UGT1A10: variants seen among roughly 807,000 people sequenced by gnomAD.
UGT1A10 encodes UDP glucuronosyltransferase family 1 member A10, also known as UDP-glucuronosyltransferase 1A10.
Under a neutral mutation model 45.8 loss-of-function variants are expected in UGT1A10, and 49 were observed. The ratio of observed to expected loss-of-function variants is 1.07; its 90% CI spans 0.85 to 1.36. The LOEUF is 1.36. Ranked by LOEUF, UGT1A10 falls within the 40% of genes most tolerant of loss-of-function variation. The pLI is 0.00. For synonymous variants in UGT1A10, 284 were observed against 249.7 expected, an observed-to-expected ratio of 1.14 and a Z score of -1.29; for missense variants, 745 against 668.6, an observed-to-expected ratio of 1.11 and a Z score of -1.26.
At chr2:233,706,776 GGAGA>G (rs1475683157) in intron 1 of UGT1A10, among the ~76,000 whole-genome samples, 1 of 152,236 alleles carries the variant, frequency 6.6e-6, no homozygotes, top group East Asian at 1.9e-4. Context: ...TCCATCTCTG[GGAGA>G]GAAATACCAT....
At chr2:233,661,520 T>C (rs978042351) in intron 1 of UGT1A10, among the ~76,000 whole-genome samples, 3 of 152,122 alleles carry the variant, frequency 2.0e-5, no homozygotes, top group Admixed American at 6.6e-5. Context: ...GTGGAGTCCA[T>C]TGAGATTGAA....
intron 1 of UGT1A10, among the ~76,000 whole-genome samples, chr2:233,730,808 C>A (rs2078077498): frequency 6.6e-6 from 1 of 152,092 alleles, no homozygotes; most frequent in Non-Finnish European, 1.5e-5. Flanking sequence ...GGACATGCGT[C>A]CAAGAAGGGA....
intron 1 of UGT1A10, chr2:233,682,572 T>C: frequency 4.3e-6 from 7 of 1,613,972 alleles, no homozygotes; most frequent in Middle Eastern, 1.7e-4. Flanking sequence ...AACCACATCA[T>C]GCACTTGGAG....
intron 1 of UGT1A10, among the ~76,000 whole-genome samples, chr2:233,757,560 A>ATATATATATATATATACATATATATATG (rs904896556): frequency 8.1e-6 from 1 of 123,146 alleles, no homozygotes; most frequent in African/African-American, 3.4e-5. Context: ...ATATATATAT[A>ATATATATATATATATACATATATATATG]TGTATATATG....
intron 1 of UGT1A10, among the ~76,000 whole-genome samples, chr2:233,642,571 G>A (rs918400267): frequency 6.6e-6 from 1 of 152,200 alleles, no homozygotes; most frequent in Non-Finnish European, 1.5e-5. Flanking sequence ...TGGCGTTGAT[G>A]CTAGCAGACA....
chr2:233,728,611 G>C (rs1206625269), intron 1 of UGT1A10, among the ~76,000 whole-genome samples: 1 of 152,228 alleles, frequency 6.6e-6, no homozygotes, highest in Non-Finnish European at 1.5e-5. Context: ...CCTCCACGCT[G>C]TTCAGAGAAA....
chr2:233,686,250 T>G (rs1345556884), intron 1 of UGT1A10, among the ~76,000 whole-genome samples: 1 of 125,722 alleles, frequency 8.0e-6, no homozygotes, highest in Admixed American at 7.5e-5. Flanking sequence ...GTTTCTGAGA[T>G]TTTTTTTTTT....
intron 1 of UGT1A10, among the ~76,000 whole-genome samples, chr2:233,650,259 C>T (rs866702011): frequency 6.6e-6 from 1 of 152,140 alleles, no homozygotes; most frequent in Non-Finnish European, 1.5e-5. Context: ...TGTGAGCCAC[C>T]GTACCTGGCC....
At chr2:233,697,848 C>G (rs2075412973) in intron 1 of UGT1A10, among the ~76,000 whole-genome samples, 2 of 151,974 alleles carry the variant, frequency 1.3e-5, no homozygotes, top group African/African-American at 4.8e-5. Context: ...AGTTAGTAAG[C>G]AAAAGTTATG....
chr2:233,656,409 G>C (rs1330944741), intron 1 of UGT1A10, among the ~76,000 whole-genome samples: 1 of 152,218 alleles, frequency 6.6e-6, no homozygotes, highest in African/African-American at 2.4e-5. Flanking sequence ...GTGGCTTATG[G>C]AACAAGGAAT....
chr2:233,673,287 C>CT (rs2125503885), intron 1 of UGT1A10, among the ~76,000 whole-genome samples: 1 of 152,056 alleles, frequency 6.6e-6, no homozygotes, highest in East Asian at 1.9e-4. Flanking sequence ...TTATAAATAC[C>CT]TTTATAGACC....
At chr2:233,673,626 A>G (rs750330862) in intron 1 of UGT1A10, among the ~76,000 whole-genome samples, 7 of 152,196 alleles carry the variant, frequency 4.6e-5, no homozygotes, top group Non-Finnish European at 8.8e-5. Flanking sequence ...TTTTATATAC[A>G]TAAATAAAAT....
At chr2:233,711,770 A>G (rs1244544490) in intron 1 of UGT1A10, among the ~76,000 whole-genome samples, 2 of 152,234 alleles carry the variant, frequency 1.3e-5, no homozygotes, top group African/African-American at 4.8e-5. Context: ...AGGAAGTGAG[A>G]TAGAAAGTGT....
At chr2:233,737,195 G>A (rs1395224472) in intron 1 of UGT1A10, among the ~76,000 whole-genome samples, 2 of 152,236 alleles carry the variant, frequency 1.3e-5, no homozygotes, top group African/African-American at 4.8e-5. Flanking sequence ...CCCTTGCTGA[G>A]CTGCGGTGGA....
intron 1 of UGT1A10, 57 bp downstream of exon 1, chr2:233,637,434 G>T (rs2073327386): frequency 6.5e-7 from 1 of 1,540,460 alleles, no homozygotes; most frequent in Non-Finnish European, 8.7e-7. Flanking sequence ...AATTAAAAAA[G>T]GATTCCTTAC....
In UGT1A10 at chr2:233,725,255, AGAGGCAGAG is replaced by A. The variant is rs1488139555; in HGVS notation, c.856-41768_856-41760del. On this transcript the variant is annotated intron_variant, in intron 1 of 4. Coordinates refer to ENST00000344644, the MANE Select transcript of UGT1A10 (RefSeq NM_019075.4). Reference sequence around the variant, plus strand: ...CAGAGGAGGCAGAGGCAGAGGAGGCAGAGGCAGAGGAGGCAGAGGCAGAGGCAGAGGCAG... The same window carrying A: ...CAGAGGAGGCAGAGGCAGAGGAGGCAGAGGCAGAGGCAGAGGCAGAGGCAG... Among the ~76,000 whole-genome samples, 19 of 63,990 alleles carry A rather than the reference AGAGGCAGAG, an allele frequency of 3.0e-4. 2 individuals carry two copies. Among genetic ancestry groups the A allele is most frequent in the African/African-American group, 1.5e-3 (12 of 7,816 alleles). 42.0% of individuals were successfully genotyped at this position (63,990 alleles called of 152,430 possible).
At chr2:233,691,789 A>G (rs1475336868) in intron 1 of UGT1A10, 1 of 250,072 alleles carries the variant, frequency 4.0e-6, no homozygotes, top group African/African-American at 2.3e-5. Flanking sequence ...TACTGGCTAG[A>G]CTTATACTTC....
At chr2:233,757,617 A>C (rs1696679661) in intron 1 of UGT1A10, among the ~76,000 whole-genome samples, 1 of 148,812 alleles carries the variant, frequency 6.7e-6, no homozygotes, top group South Asian at 2.2e-4. Flanking sequence ...AACTGCTAAA[A>C]GATACAAGGC....
At chr2:233,713,872 C>T in intron 1 of UGT1A10, 1 of 1,613,754 alleles carries the variant, frequency 6.2e-7, no homozygotes, top group Non-Finnish European at 8.5e-7. Context: ...TGTATTGGTG[C>T]CTTTATCCAA....
Sources: allele counts gnomAD v4.1 joint callset (sites outside exome capture counted in the v4.1 genomes callset), GRCh38; gene constraint gnomAD v4.1.1; transcripts MANE v1.5; gene names NCBI Gene and HGNC (gene_info 2026-07-23, HGNC 2026-07-21).